The following PCDHGA7 variants were observed in gnomAD, a reference collection of about 807,000 sequenced individuals.
PCDHGA7 encodes protocadherin gamma subfamily A, 7.
A neutral mutation model predicts 58.3 loss-of-function variants in PCDHGA7; 44 were observed. The ratio of observed to expected loss-of-function variants is 0.75; its 90% confidence interval spans 0.59 to 0.97. The LOEUF is 0.97. Among genes scored for constraint, PCDHGA7 ranks in the 50% least tolerant of loss-of-function variants. The pLI is 0.00. For missense variants in PCDHGA7, 1,266 were observed against 1,188.7 expected, an observed-to-expected ratio of 1.06 and a Z score of -0.96; for synonymous variants, 516 against 504.2, an observed-to-expected ratio of 1.02 and a Z score of -0.31.
chr5:141,511,265 A>G lies in PCDHGA7; in HGVS notation c.*92A>G. On this transcript the variant is annotated 3_prime_UTR_variant, in exon 4 of 4. Coordinates refer to ENST00000518325, the MANE Select transcript of PCDHGA7 (RefSeq NM_018920.4). ...ACCCAGGCCTCAGAGTTTCAGGGCT[A>G]ACCCCCAGAATACTGGTAGGGGCCA... The G allele has an allele frequency of 6.4e-7, 1 of 1,551,730 alleles. No individual in the cohort carries two copies. Among genetic ancestry groups the G allele is most frequent in the South Asian group, 1.2e-5 (1 of 83,132 alleles).
chr5:141,403,044 T>C lies in PCDHGA7; in HGVS notation c.2424+17721T>C, dbSNP rs914251787. 7 of 1,613,960 alleles carry C rather than the reference T, an allele frequency of 4.3e-6. No individual in the cohort carries two copies. The Admixed American group carries it at 8.3e-5, about 19-fold the overall frequency. ...CTATGGGAGGCCAGGGCCAGTCAGA[T>C]TCGCTACTCAGTGCCTGAAGAGACA... is the stretch of plus-strand genomic sequence containing the variant. On this transcript the variant is annotated intron_variant, in intron 1 of 3. Transcript: ENST00000518325.
rs748462670 is a variant in PCDHGA7, at chr5:141,478,010, C to T, written c.2425-16797C>T. Reference sequence around the variant, plus strand: ...GCACACTGGTCAAATCAGTACTGCCCGTCCAGTCCAAGACACAGATTCACC... The same window carrying T: ...GCACACTGGTCAAATCAGTACTGCCTGTCCAGTCCAAGACACAGATTCACC... On this transcript the variant is annotated intron_variant, in intron 1 of 3. Coordinates refer to ENST00000518325, the MANE Select transcript of PCDHGA7 (RefSeq NM_018920.4). 9 of 1,614,008 alleles carry T rather than the reference C, an allele frequency of 5.6e-6. No homozygotes were observed. The highest frequency in any genetic ancestry group is 1.7e-5 in the Admixed American group (1 of 59,998).
In PCDHGA7 at chr5:141,432,545, A is replaced by G; in HGVS notation, c.2424+47222A>G. Reference sequence around the variant, plus strand: ...GGTGACCAAGGTGGTGGCGGTGGACAGAGACTCCGGCCAGAACGCCTGGCT... The same window carrying G: ...GGTGACCAAGGTGGTGGCGGTGGACGGAGACTCCGGCCAGAACGCCTGGCT... On this transcript the variant is annotated intron_variant, in intron 1 of 3. Coordinates refer to ENST00000518325, the MANE Select transcript of PCDHGA7 (RefSeq NM_018920.4). This position sits in a 1 kb window ranked among gnomAD's most constrained non-coding sequence, Gnocchi z 6.0. The G allele has an allele frequency of 1.2e-6, 2 of 1,613,876 alleles. No homozygotes were observed. Among genetic ancestry groups the G allele is most frequent in the Non-Finnish European group, 1.7e-6 (2 of 1,179,984 alleles).
At chr5:141,421,267 C>T in intron 1 of PCDHGA7, 1 of 1,611,374 alleles carries the variant, frequency 6.2e-7, no homozygotes, top group Non-Finnish European at 8.5e-7. Flanking sequence ...CAGTCGGCTG[C>T]TGCTGCTGCT....
intron 3 of PCDHGA7, among the ~76,000 whole-genome samples, chr5:141,509,092 G>T (rs943269087): frequency 1.3e-5 from 2 of 152,180 alleles, no homozygotes; most frequent in African/African-American, 4.8e-5. Context: ...TGAAATGGGG[G>T]CTGTAGAAAC....
intron 1 of PCDHGA7, chr5:141,442,491 T>G (rs1438583747): frequency 6.6e-6 from 1 of 152,236 alleles, no homozygotes; most frequent in Non-Finnish European, 1.5e-5. Flanking sequence ...AGGGGATGAT[T>G]GTGATTATTC....
At chr5:141,456,020 C>A (rs2098840631) in intron 1 of PCDHGA7, among the ~76,000 whole-genome samples, 2 of 151,952 alleles carry the variant, frequency 1.3e-5, no homozygotes, top group South Asian at 4.2e-4. Flanking sequence ...GCCTCAGCCT[C>A]CCGAGTAGCT....
intron 1 of PCDHGA7, among the ~76,000 whole-genome samples, chr5:141,467,320 T>C (rs1593065881): frequency 6.6e-6 from 1 of 152,322 alleles, no homozygotes; most frequent in African/African-American, 2.4e-5. Flanking sequence ...CCCACAGTGC[T>C]GGGATTAGAG....
At chr5:141,404,978 G>T (rs373968137) in intron 1 of PCDHGA7, 2 of 1,613,976 alleles carry the variant, frequency 1.2e-6, no homozygotes, top group Non-Finnish European at 8.5e-7. Flanking sequence ...GGCTGACCTG[G>T]GCAGTCTTCA....
chr5:141,453,364 G>A (rs921978865), intron 1 of PCDHGA7, among the ~76,000 whole-genome samples: 4 of 151,814 alleles, frequency 2.6e-5, no homozygotes, highest in African/African-American at 9.7e-5. Flanking sequence ...GAACTCCTGG[G>A]GTCAAGTGAT....
chr5:141,487,831 A>T lies in PCDHGA7; in HGVS notation c.2425-6976A>T. 2 of 1,144,322 alleles carry T rather than the reference A, an allele frequency of 1.7e-6. No individual in the cohort carries two copies. Among genetic ancestry groups the T allele is most frequent in the Non-Finnish European group, 2.4e-6 (2 of 818,294 alleles). 70.9% of individuals were successfully genotyped at this position (1,144,322 alleles called of 1,614,324 possible). ...TTAGCATTGGGGGCGGGTCATGCCT[A>T]TATCTGAGTAAGAAATGAAAGTAAT... On this transcript the variant is annotated intron_variant, in intron 1 of 3. Transcript: ENST00000518325. The surrounding 1 kb of genome is among the most constrained non-coding windows in gnomAD (Gnocchi z 5.0).
rs140056243 is a variant in PCDHGA7 at position 141,487,386 on chromosome 5, G to A, written c.2425-7421G>A. 21 of 1,614,046 alleles carry A rather than the reference G, an allele frequency of 1.3e-5. No individual in the cohort carries two copies. The highest frequency in any genetic ancestry group is 4.0e-5 in the African/African-American group (3 of 74,920). On this transcript the variant is annotated intron_variant, in intron 1 of 3. Coordinates refer to ENST00000518325, the MANE Select transcript of PCDHGA7 (RefSeq NM_018920.4). The surrounding 1 kb of genome is among the most constrained non-coding windows in gnomAD (Gnocchi z 5.0). Reference sequence around the variant, plus strand: ...ACCTGTGCCTGTCTCACCAGATCTCGAAGGAGGGAGGGGCTTCCCCCTTCC... The same window carrying A: ...ACCTGTGCCTGTCTCACCAGATCTCAAAGGAGGGAGGGGCTTCCCCCTTCC...
chr5:141,462,646 A>G (rs1371582710), intron 1 of PCDHGA7, among the ~76,000 whole-genome samples: 1 of 137,316 alleles, frequency 7.3e-6, no homozygotes, highest in Non-Finnish European at 1.5e-5. Flanking sequence ...TTTCATTTCC[A>G]TCCTCAATTA....
At chr5:141,404,469 C>T (rs1239367876) in intron 1 of PCDHGA7, 3 of 1,612,966 alleles carry the variant, frequency 1.9e-6, no homozygotes, top group African/African-American at 1.3e-5. Flanking sequence ...ACCTATGTCT[C>T]TATTAACTCA....
chr5:141,409,805 C>T lies in PCDHGA7; in HGVS notation c.2424+24482C>T, dbSNP rs751397816. 8 of 1,611,512 alleles carry T rather than the reference C, an allele frequency of 5.0e-6. No individual in the cohort carries two copies. The African/African-American group carries it at 5.3e-5, about 11-fold the overall frequency. ...CGCCTTCGCGCTCACGCTGCAGGCC[C>T]GCGACCACGGCTCGCCCACGCTCAG... is the stretch of plus-strand genomic sequence containing the variant. On this transcript the variant is annotated intron_variant, in intron 1 of 3. Coordinates refer to ENST00000518325, the MANE Select transcript of PCDHGA7 (RefSeq NM_018920.4).
Position 141,476,209 on chromosome 5 carries a change from G to T in PCDHGA7, c.2425-18598G>T, listed in dbSNP as rs749576231. On this transcript the variant is annotated intron_variant, in intron 1 of 3. Coordinates refer to ENST00000518325, the MANE Select transcript of PCDHGA7 (RefSeq NM_018920.4). The surrounding 1 kb of genome is among the most constrained non-coding windows in gnomAD (Gnocchi z 7.6). ...TTGGTGCCTTGAACAAGGCTTCCAC[G>T]GTCATTCACTATGAGATCCCGGAGG... The T allele has an allele frequency of 6.2e-6, 10 of 1,613,974 alleles. No individual in the cohort carries two copies. Among genetic ancestry groups the T allele is most frequent in the Non-Finnish European group, 8.5e-6 (10 of 1,180,026 alleles).
Position 141,489,830 on chromosome 5 carries a change from A to C in PCDHGA7, c.2425-4977A>C. On this transcript the variant is annotated intron_variant, in intron 1 of 3. Transcript: ENST00000518325. The surrounding 1 kb of genome is among the most constrained non-coding windows in gnomAD (Gnocchi z 4.5). ...AAGCCATTCCCAGAGCTGGTGCTAG[A>C]GCAGCAGCTGGATCGTGAAGCCCAG... 1 of 1,614,200 alleles carries C rather than the reference A, an allele frequency of 6.2e-7. No homozygotes were observed. Among genetic ancestry groups the C allele is most frequent in the Non-Finnish European group, 8.5e-7 (1 of 1,180,010 alleles).
At chr5:141,481,913 CAAAA>C (rs34114744) in intron 1 of PCDHGA7, among the ~76,000 whole-genome samples, 1 of 90,848 alleles carries the variant, frequency 1.1e-5, no homozygotes, top group Non-Finnish European at 2.2e-5. Context: ...AACTCCATCT[CAAAA>C]AAAAAAAAAA....
Position 141,387,312 on chromosome 5 carries a change from G to A in PCDHGA7, c.2424+1989G>A, listed in dbSNP as rs576543135. Reference sequence around the variant, plus strand: ...AAAATGTATCCAGTATATTTCTAATGAGTAAGTATGGAAAATTACTGTACT... The same window carrying A: ...AAAATGTATCCAGTATATTTCTAATAAGTAAGTATGGAAAATTACTGTACT... On this transcript the variant is annotated intron_variant, in intron 1 of 3. Transcript: ENST00000518325. Among the ~76,000 whole-genome samples, 3 of 152,338 alleles carry A rather than the reference G, an allele frequency of 2.0e-5. No homozygotes were observed. The East Asian group carries it at 5.8e-4, about 29-fold the overall frequency.
Sources: gnomAD v4.1 joint callset for allele counts (sites outside exome capture counted in the v4.1 genomes callset) on GRCh38, gnomAD v4.1.1 for gene constraint, Gnocchi (gnomAD v3.1) non-coding constraint, MANE v1.5 for transcripts, NCBI Gene and HGNC (gene_info 2026-07-23, HGNC 2026-07-21) for gene names.